The following NEO1 variants were observed in gnomAD, a reference collection of about 807,000 sequenced individuals.
NEO1 encodes neogenin.
In NEO1, 63 loss-of-function variants were observed where a neutral mutation model predicts 159.7. The ratio of observed to expected loss-of-function variants is 0.39; its 90% CI spans 0.32 to 0.49. The LOEUF is 0.49. Ranked by LOEUF, NEO1 falls within the 20% of genes least tolerant of loss-of-function variation. NEO1 has a pLI of 0.85. For missense variants in NEO1, 1,615 were observed against 1,831.0 expected, an observed-to-expected ratio of 0.88 and a Z score of 2.15; for synonymous variants, 633 against 662.0, an observed-to-expected ratio of 0.96 and a Z score of 0.67.
chr15:73,247,981 A>G (rs904777233), intron 9 of NEO1, among the ~76,000 whole-genome samples: 2 of 152,126 alleles, frequency 1.3e-5, no homozygotes, highest in African/African-American at 4.8e-5. Context: ...TCTTGAGCCC[A>G]CGTTTTAGAA....
At chr15:73,136,413 G>T (rs1244459997) in intron 5 of NEO1, among the ~76,000 whole-genome samples, 1 of 152,050 alleles carries the variant, frequency 6.6e-6, no homozygotes, top group Non-Finnish European at 1.5e-5. Flanking sequence ...GTGACAGGAA[G>T]GGTATGATCT....
chr15:73,245,823 C>T (rs1456676247), intron 9 of NEO1, among the ~76,000 whole-genome samples: 3 of 151,670 alleles, frequency 2.0e-5, no homozygotes, highest in Admixed American at 6.6e-5. Flanking sequence ...CCTCGTGATC[C>T]GCCCGCCTCG....
In NEO1 at chr15:73,122,752, G is replaced by C; in HGVS notation, c.676G>C (p.Gly226Arg). ...GGLYRCVVES[G>R]GPPKYSDEVE... The stretch of plus-strand genomic sequence containing the variant: ...GCTTTATCGCTGCGTAGTGGAAAGT[G>C]GTGGGCCACCAAAGTATAGTGATGA... Residue 226 changes from glycine to arginine, a missense_variant, in exon 3 of 29, where the codon GGT becomes CGT. By Grantham distance (125) the Gly-to-Arg change is moderately radical. This residue lies in a region of NEO1 where 1,018 missense variants were observed against 1,115.4 expected (regional missense o/e 0.91). Transcript: ENST00000261908. The C allele has an allele frequency of 6.2e-7, 1 of 1,614,186 alleles. No homozygotes were observed.
intron 5 of NEO1, among the ~76,000 whole-genome samples, chr15:73,148,473 T>C (rs577446275): frequency 4.6e-5 from 7 of 152,310 alleles, no homozygotes; most frequent in Admixed American, 2.6e-4. Flanking sequence ...GGAAAGATAA[T>C]GTCCTAGTGA....
At chr15:73,282,505 A>G (rs2041768098) in intron 22 of NEO1, among the ~76,000 whole-genome samples, 1 of 152,352 alleles carries the variant, frequency 6.6e-6, no homozygotes, top group Middle Eastern at 3.4e-3. Flanking sequence ...TGCAATTTTT[A>G]TAATCTCAGA....
chr15:73,116,982 T>C (rs1486554763), intron 2 of NEO1, 125 bp downstream of exon 2: 2 of 757,116 alleles, frequency 2.6e-6, no homozygotes, highest in African/African-American at 3.5e-5. Flanking sequence ...TTAACAGATA[T>C]CAATTGTGCA....
intron 1 of NEO1, among the ~76,000 whole-genome samples, chr15:73,088,436 A>G (rs1416763376): frequency 6.6e-6 from 1 of 152,064 alleles, no homozygotes; most frequent in Non-Finnish European, 1.5e-5. Flanking sequence ...TTAGGTTGAG[A>G]CCTGAAATAG....
At chr15:73,136,578 T>G (rs2031787593) in intron 5 of NEO1, among the ~76,000 whole-genome samples, 2 of 152,184 alleles carry the variant, frequency 1.3e-5, no homozygotes, top group African/African-American at 4.8e-5. Context: ...TGCCTCTCAA[T>G]ATAACTTGGT....
chr15:73,219,920 T>TA (rs2038135526), intron 7 of NEO1, among the ~76,000 whole-genome samples: 1 of 151,952 alleles, frequency 6.6e-6, no homozygotes, highest in African/African-American at 2.4e-5. Flanking sequence ...TTAGTCCATT[T>TA]ACATTTAAAG....
intron 26 of NEO1, among the ~76,000 whole-genome samples, chr15:73,297,222 G>T (rs2042408789): frequency 6.6e-6 from 1 of 152,172 alleles, no homozygotes; most frequent in African/African-American, 2.4e-5. Flanking sequence ...GTGGTCCAGA[G>T]CATGTGTGTG....
Position 73,304,219 on chromosome 15 carries a change from G to A in NEO1, c.*1523G>A, listed in dbSNP as rs2042711360. On this transcript the variant is annotated 3_prime_UTR_variant, in exon 29 of 29. Coordinates refer to ENST00000261908, the MANE Select transcript of NEO1 (RefSeq NM_002499.4). Reference sequence around the variant, plus strand: ...GCCACACATGGAAGCCATTGCCTTTGCACATAGTTCTTGGGTTCTTTTTCC... The same window carrying A: ...GCCACACATGGAAGCCATTGCCTTTACACATAGTTCTTGGGTTCTTTTTCC... 1 of 151,942 alleles carries A rather than the reference G, an allele frequency of 6.6e-6. No individual in the cohort carries two copies. The highest frequency in any genetic ancestry group is 2.1e-4 in the South Asian group (1 of 4,808). The allele number at this position is 151,942 out of a possible 1,614,324, so 9.4% of individuals were successfully genotyped here.
In NEO1 at chr15:73,122,101, T is replaced by C. The variant is rs1054992935; in HGVS notation, c.449-424T>C. ...TATATATATATATATATATACACAT[T>C]ATATATATTATATATATGTATAGCA... On this transcript the variant is annotated intron_variant, in intron 2 of 28. Coordinates refer to ENST00000261908, the MANE Select transcript of NEO1 (RefSeq NM_002499.4). Among the ~76,000 whole-genome samples, 17 of 62,024 alleles carry C rather than the reference T, an allele frequency of 2.7e-4. 1 individual carries two copies. The highest frequency in any genetic ancestry group is 1.4e-3 in the South Asian group (3 of 2,106). 40.7% of individuals were successfully genotyped at this position (62,024 alleles called of 152,430 possible). A position where few individuals can be genotyped will look rare whatever the true frequency, so the allele number is the denominator to read the frequency against.
At chr15:73,111,588 T>C (rs192626179) in intron 1 of NEO1, among the ~76,000 whole-genome samples, 2 of 152,240 alleles carry the variant, frequency 1.3e-5, no homozygotes, top group East Asian at 3.9e-4. Flanking sequence ...CATATAAAGG[T>C]ATAATATTTA....
rs761189856 is a variant in NEO1, at chr15:73,254,811, C to T, written c.2074C>T (p.Leu692=). ...TGAGACCTTGGTAAGCGGGACACAGCTGTCTCAGCTGATTGAAGGTAAGCT... is the reference window on the plus strand; with the variant it reads ...TGAGACCTTGGTAAGCGGGACACAGTTGTCTCAGCTGATTGAAGGTAAGCT... ...VTETLVSGTQ[L]SQLIEGLDRG... Residue 692 remains leucine, a synonymous_variant, in exon 13 of 29, where the codon CTG becomes TTG. Transcript: ENST00000261908. 5.3e-5 allele frequency: 85 copies of T among 1,612,610 alleles called. No individual in the cohort carries two copies. The highest frequency in any genetic ancestry group is 6.8e-5 in the Non-Finnish European group (80 of 1,179,606).
intron 7 of NEO1, among the ~76,000 whole-genome samples, chr15:73,181,512 A>C (rs1184434136): frequency 6.6e-6 from 1 of 152,178 alleles, no homozygotes; most frequent in African/African-American, 2.4e-5. Context: ...TACAGGAAGC[A>C]TGGTGCTGGC....
intron 7 of NEO1, among the ~76,000 whole-genome samples, chr15:73,225,479 C>A (rs1055814137): frequency 1.3e-5 from 2 of 152,060 alleles, no homozygotes; most frequent in Non-Finnish European, 2.9e-5. Context: ...CGTCTCCCTG[C>A]GGCTGCTGTG....
In NEO1 at chr15:73,236,349, C is replaced by T. The variant is rs1193519424; in HGVS notation, c.1294C>T (p.Pro432Ser). The change falls in exon 8 of 29, where the codon CCA (proline) becomes TCA (serine). Residue 432 changes from proline to serine, a missense_variant and splice_region_variant. Transcript: ENST00000261908. ...GAQLIILEHA[P>S]ATTGPLPSAP... ...CAGTGCCACTACTGACCATCTAGCA[C>T]CAGCCACAACGGGACCACTGCCTTC... 6.8e-6 allele frequency: 11 copies of T among 1,614,026 alleles called. No individual in the cohort carries two copies. Among genetic ancestry groups the T allele is most frequent in the Non-Finnish European group, 9.3e-6 (11 of 1,180,030 alleles).
rs75115744 is a variant in NEO1, at chr15:73,207,969, G to A, written c.1292-28378G>A. On this transcript the variant is annotated intron_variant, in intron 7 of 28. Coordinates refer to ENST00000261908, the MANE Select transcript of NEO1 (RefSeq NM_002499.4). ...GATAGAGGCTTCTCATTATACTTAC[G>A]TCAATAAAGATATCTGAATATGTAT... Among the ~76,000 whole-genome samples the A allele has an allele frequency of 8.0e-4, 121 of 152,194 alleles. 1 individual carries two copies. The highest frequency in any genetic ancestry group is 2.7e-3 in the African/African-American group (111 of 41,526).
chr15:73,167,810 T>C (rs1418707500), intron 5 of NEO1, among the ~76,000 whole-genome samples: 1 of 152,216 alleles, frequency 6.6e-6, no homozygotes, highest in East Asian at 1.9e-4. Flanking sequence ...CTTTAGACCG[T>C]AAGACCCAAA....
Sources: gnomAD v4.1 joint callset for allele counts (sites outside exome capture counted in the v4.1 genomes callset) on GRCh38, gnomAD v4.1.1 for gene constraint, gnomAD v4.1.1 regional missense constraint, MANE v1.5 for transcripts, NCBI Gene and HGNC (gene_info 2026-07-23, HGNC 2026-07-21) for gene names.